COQ3: variants seen among roughly 807,000 people sequenced by gnomAD.
COQ3 encodes ubiquinone biosynthesis O-methyltransferase, mitochondrial.
In COQ3, 29 loss-of-function variants were observed where a neutral mutation model predicts 33.1. The ratio of observed to expected loss-of-function variants is 0.88; its 90% CI spans 0.65 to 1.19. The LOEUF is 1.19. Ranked by LOEUF, COQ3 falls within the 50% of genes most tolerant of loss-of-function variation. COQ3 has a pLI of 0.00. For synonymous variants in COQ3, 173 were observed against 157.8 expected (o/e 1.10, Z -0.72); for missense variants, 437 against 430.7 (o/e 1.01, Z -0.13).
At chr6:99,379,002 TTTTTA>T (rs748810267) in intron 3 of COQ3, among the ~76,000 whole-genome samples, 39 of 151,120 alleles carry the variant, frequency 2.6e-4, no homozygotes, top group Non-Finnish European at 3.7e-4. Context: ...TTCCCTTTAT[TTTTTA>T]TTTTATTTTA....
intron 5 of COQ3, among the ~76,000 whole-genome samples, chr6:99,374,136 A>AT (rs1774219525): frequency 6.7e-6 from 1 of 148,278 alleles, no homozygotes; most frequent in Non-Finnish European, 1.5e-5. Context: ...AAAAAAAAAA[A>AT]AAAAAAATTA....
At chr6:99,375,524 T>C (rs930821414) in intron 5 of COQ3, among the ~76,000 whole-genome samples, 9 of 151,970 alleles carry the variant, frequency 5.9e-5, no homozygotes, top group Non-Finnish European at 1.0e-4. Flanking sequence ...TCTGGAATTA[T>C]AGGCATGCAC....
chr6:99,388,899 A>G (rs200190560), intron 1 of COQ3, among the ~76,000 whole-genome samples: 2,197 of 69,546 alleles, frequency 0.032, 30 homozygotes, highest in African/African-American at 0.052. Flanking sequence ...ACGCACACAC[A>G]CACACACACA....
intron 1 of COQ3, among the ~76,000 whole-genome samples, chr6:99,384,873 G>A (rs1486718522): frequency 1.3e-5 from 2 of 152,170 alleles, no homozygotes; most frequent in African/African-American, 4.8e-5. Context: ...CACTTTCGGA[G>A]GCTGAAGCAA....
intron 1 of COQ3, among the ~76,000 whole-genome samples, chr6:99,385,563 T>C (rs1037463410): frequency 6.6e-6 from 1 of 152,224 alleles, no homozygotes; most frequent in African/African-American, 2.4e-5. Flanking sequence ...GTCTCAGGGA[T>C]ATTTTAAAAA....
intron 1 of COQ3, among the ~76,000 whole-genome samples, chr6:99,387,598 A>C (rs1373660946): frequency 1.3e-5 from 2 of 152,244 alleles, no homozygotes; most frequent in Non-Finnish European, 2.9e-5. Context: ...AAATTATCTT[A>C]CAAAACAGCT....
intron 1 of COQ3, among the ~76,000 whole-genome samples, chr6:99,386,131 G>A (rs919113637): frequency 5.9e-5 from 9 of 151,918 alleles, no homozygotes; most frequent in Non-Finnish European, 5.9e-5. Flanking sequence ...ATCAGAAAAT[G>A]ATAAAAAATA....
chr6:99,375,039 G>A (rs1012775270), intron 5 of COQ3, among the ~76,000 whole-genome samples: 20 of 143,994 alleles, frequency 1.4e-4, no homozygotes, highest in East Asian at 8.1e-4. Flanking sequence ...GCACAATCTC[G>A]GCTCACTGCA....
chr6:99,383,482 T>C (rs1415779525), intron 2 of COQ3, among the ~76,000 whole-genome samples: 3 of 152,238 alleles, frequency 2.0e-5, no homozygotes, highest in African/African-American at 7.2e-5. Context: ...TTATTGTCTA[T>C]ATACTGTATT....
chr6:99,369,870 C>A, intron 6 of COQ3, 50 bp from the exon 7 acceptor site: 1 of 1,259,098 alleles, frequency 7.9e-7, no homozygotes, highest in Non-Finnish European at 1.1e-6. Context: ...TATTTTCCTT[C>A]CAATTTCCAA....
chr6:99,390,336 T>C lies in COQ3; in HGVS notation c.106+3738A>G, dbSNP rs1417309205. ...ACTGTCACCCATACAATGTTAAACT[T>C]TTTTTTTTTTTTTTTGAGACGGAGT... On this transcript the variant is annotated intron_variant, in intron 1 of 6. Coordinates refer to ENST00000254759, the MANE Select transcript of COQ3 (RefSeq NM_017421.4). Among the ~76,000 whole-genome samples, 9 of 3,280 alleles carry C rather than the reference T, an allele frequency of 2.7e-3. No individual in the cohort carries two copies. In the Non-Finnish European group the frequency reaches 0.13, roughly 47 times the overall value. The allele number at this position is 3,280 out of a possible 152,430, so 2.2% of individuals were successfully genotyped here.
At chr6:99,380,531 C>T (rs140709506) in intron 2 of COQ3, among the ~76,000 whole-genome samples, 190 bp from the exon 3 acceptor site, 24 of 152,174 alleles carry the variant, frequency 1.6e-4, no homozygotes, top group Admixed American at 7.9e-4. Context: ...TATTCACAGA[C>T]GAAACAAAAT....
Position 99,371,357 on chromosome 6 carries a change from C to T in COQ3, c.889+71G>A, listed in dbSNP as rs1324799691. 2.3e-5 allele frequency: 23 copies of T among 995,212 alleles called. 1 individual carries two copies. The South Asian group carries it at 3.2e-4, about 14-fold the overall frequency. The allele number at this position is 995,212 out of a possible 1,614,324, so 61.6% of individuals were successfully genotyped here. On this transcript the variant is annotated intron_variant, in intron 6 of 6. Coordinates refer to ENST00000254759, the MANE Select transcript of COQ3 (RefSeq NM_017421.4). The stretch of plus-strand genomic sequence containing the variant: ...ATTTTATTAAGTGCTAGGCTAAGTG[C>T]GTAATAATTACTGGCATATTAAAAG...
intron 1 of COQ3, among the ~76,000 whole-genome samples, chr6:99,386,889 T>TA (rs748536480): frequency 1.3e-5 from 2 of 152,118 alleles, no homozygotes; most frequent in East Asian, 1.9e-4. Context: ...CTTAATCTCT[T>TA]AAAAAAATAG....
intron 5 of COQ3, among the ~76,000 whole-genome samples, chr6:99,375,424 C>T (rs904273624): frequency 6.7e-6 from 1 of 150,178 alleles, no homozygotes; most frequent in African/African-American, 2.5e-5. Context: ...CACTCTGTTG[C>T]CCAGGCTGGA....
rs111455620 is a variant in COQ3, at chr6:99,380,330, G to A, written c.245C>T (p.Ala82Val). ...NRIKSFRYPW[A>V]RLYSTSQTTV... ...GGTTTGGGAAGTACTGTACAGTCTC[G>A]CCCAAGGGTACCTAAAAGGTGAAAA... The change falls in exon 3 of 7, where the codon GCG becomes GTG. Residue 82 changes from alanine (A) to valine (V), a missense_variant. Physicochemically the swap from Ala to Val is moderately conservative, Grantham distance 64. Transcript: ENST00000254759. 1.9e-3 allele frequency: 3,013 copies of A among 1,613,350 alleles called. 42 individuals carry two copies. In the African/African-American group the frequency reaches 0.033, roughly 18 times the overall value.
chr6:99,372,518 A>G (rs1774170557), intron 5 of COQ3, among the ~76,000 whole-genome samples: 1 of 150,932 alleles, frequency 6.6e-6, no homozygotes, highest in Non-Finnish European at 1.5e-5. Flanking sequence ...CCCGGGTTCA[A>G]GCGATTCTCC....
chr6:99,391,075 TTTTATTTATTTATTTATTTA>T (rs60755408), intron 1 of COQ3, among the ~76,000 whole-genome samples: 73 of 139,254 alleles, frequency 5.2e-4, no homozygotes, highest in African/African-American at 1.8e-3. Flanking sequence ...CTTTTGCTCA[TTTTATTTATTTATTTATTTA>T]TTTATTTATT....
At chr6:99,391,910 GA>G (rs1774842945) in intron 1 of COQ3, among the ~76,000 whole-genome samples, 1 of 151,916 alleles carries the variant, frequency 6.6e-6, no homozygotes, top group Non-Finnish European at 1.5e-5. Flanking sequence ...GAGGTGGGAG[GA>G]CCAATTGAGC....
Sources: allele counts gnomAD v4.1 joint callset (sites outside exome capture counted in the v4.1 genomes callset), GRCh38; gene constraint gnomAD v4.1.1; transcripts MANE v1.5; gene names NCBI Gene and HGNC (gene_info 2026-07-23, HGNC 2026-07-21).